CDC25A: variants seen among roughly 807,000 people sequenced by gnomAD.
CDC25A encodes the protein cell division cycle 25A.
A neutral mutation model predicts 64.6 loss-of-function variants in CDC25A; 17 were observed. The ratio of observed to expected loss-of-function variants is 0.26; its 90% confidence interval spans 0.18 to 0.39. The LOEUF (loss-of-function observed/expected upper bound fraction) is 0.39, where lower values mean the gene tolerates loss of function less well. Ranked by LOEUF, CDC25A falls within the 10% of genes least tolerant of loss-of-function variation. The probability of loss-of-function intolerance (pLI) is 1.00; values close to 1 mark genes in which losing one functional copy is unlikely to be tolerated. For missense variants in CDC25A, 473 were observed against 654.8 expected (o/e 0.72, Z 3.03); for synonymous variants, 229 against 238.6 (o/e 0.96, Z 0.37).
chr3:48,180,521 C>T (rs957202890), intron 6 of CDC25A, 200 bp downstream of exon 6: 12 of 493,714 alleles, frequency 2.4e-5, no homozygotes, highest in Middle Eastern at 1.1e-3. Context: ...ATTTCAAACA[C>T]CATCTCCCAC....
intron 9 of CDC25A, 36 bp from the exon 10 acceptor site, chr3:48,167,980 T>A (rs567974501): frequency 2.9e-5 from 38 of 1,297,984 alleles, no homozygotes; most frequent in Middle Eastern, 3.7e-4. Context: ...GAGACAAGGG[T>A]TCTGAATGGA....
Position 48,165,686 on chromosome 3 carries a change from C to A in CDC25A, c.1141G>T (p.Val381Phe). The A allele has an allele frequency of 6.2e-7, 1 of 1,614,078 alleles. No individual in the cohort carries two copies. Among genetic ancestry groups the A allele is most frequent in the Non-Finnish European group, 8.5e-7 (1 of 1,179,962 alleles). ...TATGGGTATCGACAGTCGATGATAA[C>A]AAACTCTTTAATGAGGTTGGCAAAC... The part of the protein sequence containing the change: ...GKFANLIKEF[V>F]IIDCRYPYEY... Residue 381 changes from valine to phenylalanine, a missense_variant, in exon 12 of 15, where the codon GTT (valine) becomes TTT (phenylalanine). Val to Phe is a conservative substitution (Grantham distance 50, BLOSUM62 -1). Coordinates refer to ENST00000302506, the MANE Select transcript of CDC25A (RefSeq NM_001789.3).
chr3:48,185,116 A>G (rs111826297), intron 2 of CDC25A, among the ~76,000 whole-genome samples: 6 of 152,304 alleles, frequency 3.9e-5, no homozygotes, highest in African/African-American at 1.4e-4. Flanking sequence ...TGAGGCTTGA[A>G]AAATACAACT....
At chr3:48,177,795 T>G (rs1171798265) in intron 7 of CDC25A, 59 bp downstream of exon 7, 2 of 1,598,664 alleles carry the variant, frequency 1.3e-6, no homozygotes, top group East Asian at 4.5e-5. Flanking sequence ...ATCACATGCC[T>G]TCTCCAGAGG....
rs1370833186 is a variant in CDC25A at position 48,180,740 on chromosome 3, T to C, written c.530A>G (p.Asn177Ser). 1.2e-6 allele frequency: 2 copies of C among 1,614,066 alleles called. No individual in the cohort carries two copies. Among genetic ancestry groups the C allele is most frequent in the African/African-American group, 2.7e-5 (2 of 75,034 alleles). ...ACATACCATCCGAGCTGGGGCAGAGTTCTGCCTCTGTGTGAAGAGATCTTT... is the reference window on the plus strand; with the variant it reads ...ACATACCATCCGAGCTGGGGCAGAGCTCTGCCTCTGTGTGAAGAGATCTTT... ...EGKDLFTQRQ[N>S]SAPARMLSSN... Residue 177 changes from asparagine to serine, a missense_variant, in exon 6 of 15, where the codon AAC becomes AGC. This residue lies in a region of CDC25A where 376 missense variants were observed against 431.9 expected (regional missense o/e 0.87). Transcript: ENST00000302506.
chr3:48,160,699 C>A (rs1010676865), intron 13 of CDC25A, among the ~76,000 whole-genome samples: 1 of 152,108 alleles, frequency 6.6e-6, no homozygotes, highest in African/African-American at 2.4e-5. Flanking sequence ...TTGTTCACTG[C>A]TCTTCTCCCT....
chr3:48,159,893 T>A (rs1403628923), intron 13 of CDC25A, among the ~76,000 whole-genome samples: 3 of 152,156 alleles, frequency 2.0e-5, no homozygotes, highest in Non-Finnish European at 2.9e-5. Context: ...CCTGTTTCTA[T>A]CCTCTACTTG....
chr3:48,169,894 A>G (rs2032203647), intron 9 of CDC25A, among the ~76,000 whole-genome samples: 1 of 152,050 alleles, frequency 6.6e-6, no homozygotes, highest in Admixed American at 6.6e-5. Flanking sequence ...CTGTAGTCCC[A>G]GCTACTTGGG....
chr3:48,158,808 A>T lies in CDC25A; in HGVS notation c.*137T>A. Reference sequence around the variant, plus strand: ...CTCCAACCTTGGGAGTGTGGGAGGTAGGTTTAAGGCATGGAAGTCCCAGGC... The same window carrying T: ...CTCCAACCTTGGGAGTGTGGGAGGTTGGTTTAAGGCATGGAAGTCCCAGGC... On this transcript the variant is annotated 3_prime_UTR_variant, in exon 15 of 15. Transcript: ENST00000302506. The T allele has an allele frequency of 9.7e-7, 1 of 1,025,842 alleles. No individual in the cohort carries two copies. Among genetic ancestry groups the T allele is most frequent in the Non-Finnish European group, 1.4e-6 (1 of 699,290 alleles). 63.5% of individuals were successfully genotyped at this position (1,025,842 alleles called of 1,614,324 possible).
intron 9 of CDC25A, among the ~76,000 whole-genome samples, chr3:48,170,895 C>G (rs951323484): frequency 2.6e-5 from 4 of 152,182 alleles, no homozygotes; most frequent in Admixed American, 1.3e-4. Flanking sequence ...TAACTGTACT[C>G]TAGCAATGCT....
chr3:48,177,802 G>C, intron 7 of CDC25A, 52 bp downstream of exon 7: 1 of 1,602,796 alleles, frequency 6.2e-7, no homozygotes, highest in Non-Finnish European at 8.5e-7. Context: ...GCCTTCTCCA[G>C]AGGTAATTAA....
At position 48,180,836 on chromosome 3, in the gene CDC25A, G is replaced by A; in HGVS notation, c.434C>T (p.Ala145Val). ...IDPDENKENE[A>V]FEFKKPVRPV... ...TCTTACTGGCTTCTTAAACTCAAAG[G>A]CTTCCTGCAAGACATAGTTGAGACA... The change falls in exon 6 of 15, where the codon GCC becomes GTC. Residue 145 changes from alanine to valine, a missense_variant. Ala to Val is a moderately conservative substitution (Grantham distance 64). This residue lies in a region of CDC25A where 376 missense variants were observed against 431.9 expected (regional missense o/e 0.87). Transcript: ENST00000302506. 6.2e-7 allele frequency: 1 copy of A among 1,613,836 alleles called. No individual in the cohort carries two copies. The highest frequency in any genetic ancestry group is 1.1e-5 in the South Asian group (1 of 91,056).
At chr3:48,186,191 C>T (rs1450227263) in intron 2 of CDC25A, among the ~76,000 whole-genome samples, 2 of 152,210 alleles carry the variant, frequency 1.3e-5, no homozygotes, top group Non-Finnish European at 2.9e-5. Flanking sequence ...CCTTCAAGGG[C>T]AAGCACACAC....
Position 48,184,571 on chromosome 3 carries a change from T to G in CDC25A, c.290+82A>C, listed in dbSNP as rs1017987419. The G allele has an allele frequency of 6.5e-6, 6 of 924,014 alleles. No homozygotes were observed. In the South Asian group the frequency reaches 9.1e-5, roughly 14 times the overall value. 57.2% of individuals were successfully genotyped at this position (924,014 alleles called of 1,614,324 possible). A position where few individuals can be genotyped will look rare whatever the true frequency, so the allele number is the denominator to read the frequency against. On this transcript the variant is annotated intron_variant, in intron 3 of 14. Coordinates refer to ENST00000302506, the MANE Select transcript of CDC25A (RefSeq NM_001789.3). Reference sequence around the variant, plus strand: ...AAATCCAGGGCTCCAGTCCAGTGTATGAAGAACTTCATTTAAATAAGGTAT... The same window carrying G: ...AAATCCAGGGCTCCAGTCCAGTGTAGGAAGAACTTCATTTAAATAAGGTAT...
chr3:48,160,119 C>G (rs1262304652), intron 13 of CDC25A, among the ~76,000 whole-genome samples: 2 of 152,128 alleles, frequency 1.3e-5, no homozygotes, highest in African/African-American at 2.4e-5. Flanking sequence ...TCTGAAGCAC[C>G]TTCTTTTTTC....
chr3:48,177,974 T>G lies in CDC25A; in HGVS notation c.564A>C (p.Glu188Asp), dbSNP rs1302826182. The change falls in exon 7 of 15, where the codon GAA becomes GAC. Residue 188 changes from glutamate (E) to aspartate (D), a missense_variant. Coordinates refer to ENST00000302506, the MANE Select transcript of CDC25A (RefSeq NM_001789.3). ...SAPARMLSSNERDSSEPGNFI... is the reference protein window; with the variant it reads ...SAPARMLSSNDRDSSEPGNFI... The stretch of plus-strand genomic sequence containing the variant: ...AATTCCCTGGTTCACTGCTATCTCT[T>G]TCATTTGAGGAAAGCTGTAAGACAA... The G allele has an allele frequency of 1.2e-6, 2 of 1,610,166 alleles. No homozygotes were observed. Among genetic ancestry groups the G allele is most frequent in the East Asian group, 4.5e-5 (2 of 44,806 alleles).
At chr3:48,180,538 TACC>T in intron 6 of CDC25A, 180 bp downstream of exon 6, 1 of 553,280 alleles carries the variant, frequency 1.8e-6, no homozygotes, top group South Asian at 2.9e-5. Context: ...CCACTCTTAC[TACC>T]GCCTGTCTGT....
In CDC25A at chr3:48,161,788, G is replaced by A. The variant is rs149139805; in HGVS notation, c.1323-2333C>T. On this transcript the variant is annotated intron_variant, in intron 13 of 14. Coordinates refer to ENST00000302506, the MANE Select transcript of CDC25A (RefSeq NM_001789.3). Reference sequence around the variant, plus strand: ...TGTGTGTGTATGTGTGTCCAGATTAGTTTGTTTCAGGCCTATAATCCCAGC... The same window carrying A: ...TGTGTGTGTATGTGTGTCCAGATTAATTTGTTTCAGGCCTATAATCCCAGC... Among the ~76,000 whole-genome samples the A allele has an allele frequency of 1.2e-3, 177 of 152,144 alleles. 1 individual carries two copies. The highest frequency in any genetic ancestry group is 1.7e-3 in the Non-Finnish European group (119 of 68,004).
At chr3:48,174,487 C>G in intron 8 of CDC25A, 30 bp from the exon 9 acceptor site, 2 of 1,592,208 alleles carry the variant, frequency 1.3e-6, no homozygotes, top group Non-Finnish European at 1.7e-6. Context: ...ACAGACCCAT[C>G]TTTCATTAAA....
Sources: allele counts gnomAD v4.1 joint callset (sites outside exome capture counted in the v4.1 genomes callset), GRCh38; gene constraint gnomAD v4.1.1; regional missense constraint gnomAD v4.1.1; transcripts MANE v1.5; gene names NCBI Gene and HGNC (gene_info 2026-07-23, HGNC 2026-07-21).